AGBL4: variants seen among roughly 807,000 people sequenced by gnomAD.
The protein encoded by AGBL4 is cytosolic carboxypeptidase 6.
Under a neutral mutation model 66.4 loss-of-function variants are expected in AGBL4, and 58 were observed. That is an observed-to-expected ratio of 0.87 (90% CI 0.71 to 1.09). AGBL4 has a LOEUF of 1.09. Among genes scored for constraint, AGBL4 ranks in the 50% least tolerant of loss-of-function variants. The probability of loss-of-function intolerance (pLI) is 0.00; values close to 1 mark genes in which losing one functional copy is unlikely to be tolerated. For synonymous variants in AGBL4, 234 were observed against 222.9 expected, an observed-to-expected ratio of 1.05 and a Z score of -0.44; for missense variants, 579 against 631.0, an observed-to-expected ratio of 0.92 and a Z score of 0.88.
At chr1:49,671,555 G>C (rs925600838) in intron 3 of AGBL4, among the ~76,000 whole-genome samples, 16 of 152,256 alleles carry the variant, frequency 1.1e-4, no homozygotes, top group Admixed American at 3.3e-4. Flanking sequence ...ACAACCTACA[G>C]AATGGGAGTA....
chr1:48,529,178 C>T (rs1643894074), downstream of AGBL4, among the ~76,000 whole-genome samples: 1 of 152,050 alleles, frequency 6.6e-6, no homozygotes, highest in Non-Finnish European at 1.5e-5. Context: ...ACTGATCCCT[C>T]AGTGTGACTG....
intron 1 of AGBL4, among the ~76,000 whole-genome samples, chr1:49,934,778 G>T (rs1285869579): frequency 6.7e-6 from 1 of 149,118 alleles, no homozygotes; most frequent in Non-Finnish European, 1.5e-5. Flanking sequence ...CCCAAAGCTG[G>T]TAGAAGAAAG....
intron 3 of AGBL4, among the ~76,000 whole-genome samples, chr1:49,516,748 G>T (rs1246768013): frequency 3.3e-5 from 5 of 152,036 alleles, no homozygotes; most frequent in African/African-American, 1.2e-4. Flanking sequence ...CACCATTAGA[G>T]ATGTTTCAAA....
chr1:49,401,528 C>T (rs560502930), intron 3 of AGBL4, among the ~76,000 whole-genome samples: 10 of 152,188 alleles, frequency 6.6e-5, no homozygotes, highest in South Asian at 4.1e-4. Flanking sequence ...TTGTTCATGA[C>T]GAATGAACAA....
chr1:48,960,970 C>T (rs957013979), intron 5 of AGBL4, among the ~76,000 whole-genome samples: 1 of 152,208 alleles, frequency 6.6e-6, no homozygotes, highest in Admixed American at 6.5e-5. Context: ...AAGGCCTCAC[C>T]TAGCACACTC....
intron 9 of AGBL4, among the ~76,000 whole-genome samples, chr1:48,632,099 G>A (rs902351175): frequency 6.6e-6 from 1 of 152,156 alleles, no homozygotes; most frequent in African/African-American, 2.4e-5. Context: ...TGGAGTAAAA[G>A]ATTGAGTGAG....
intron 4 of AGBL4, among the ~76,000 whole-genome samples, chr1:49,127,944 A>G (rs1291867307): frequency 6.6e-6 from 1 of 152,140 alleles, no homozygotes; most frequent in Non-Finnish European, 1.5e-5. Context: ...ATCAAAAATT[A>G]AAGATATCAA....
the AGBL4 span, among the ~76,000 whole-genome samples, chr1:48,522,771 C>A: frequency 6.6e-6 from 1 of 151,908 alleles, no homozygotes; most frequent in Non-Finnish European, 1.5e-5. Flanking sequence ...CACTACCATA[C>A]AAAAATTAGC....
intron 3 of AGBL4, among the ~76,000 whole-genome samples, chr1:49,619,541 T>A (rs747197610): frequency 1.3e-5 from 2 of 152,164 alleles, no homozygotes; most frequent in Non-Finnish European, 2.9e-5. Flanking sequence ...ATGGCCATAG[T>A]GCCCAAAGTA....
At chr1:48,698,856 C>A (rs956853027) in intron 6 of AGBL4, among the ~76,000 whole-genome samples, 2 of 152,134 alleles carry the variant, frequency 1.3e-5, no homozygotes, top group Admixed American at 6.5e-5. Flanking sequence ...AATAACTGGT[C>A]ACAGAGCAAA....
chr1:49,349,842 T>C (rs1240043368), intron 3 of AGBL4, among the ~76,000 whole-genome samples: 3 of 152,154 alleles, frequency 2.0e-5, no homozygotes, highest in Non-Finnish European at 4.4e-5. Context: ...ATATGACTGG[T>C]GTTCTTATAA....
At chr1:49,804,557 T>C (rs1021781835) in intron 2 of AGBL4, among the ~76,000 whole-genome samples, 1 of 152,214 alleles carries the variant, frequency 6.6e-6, no homozygotes. Flanking sequence ...GGAAAAATCA[T>C]GTATTGAATT....
intron 4 of AGBL4, among the ~76,000 whole-genome samples, chr1:49,113,881 T>G (rs1023504415): frequency 3.9e-5 from 6 of 152,212 alleles, no homozygotes; most frequent in Admixed American, 3.9e-4. Context: ...GCTTAAAATA[T>G]TTAGCAAACC....
chr1:49,116,097 T>C (rs960472845), intron 4 of AGBL4, among the ~76,000 whole-genome samples: 3 of 152,222 alleles, frequency 2.0e-5, no homozygotes, highest in African/African-American at 7.2e-5. Context: ...GAGATATCTA[T>C]GATTTTTTAA....
At chr1:49,141,642 G>A (rs1646120015) in intron 4 of AGBL4, among the ~76,000 whole-genome samples, 2 of 152,128 alleles carry the variant, frequency 1.3e-5, no homozygotes, top group South Asian at 2.1e-4. Context: ...TAGAGTTTAT[G>A]AGAAATAAGA....
At chr1:49,485,636 T>TA (rs201028308) in intron 3 of AGBL4, among the ~76,000 whole-genome samples, 63 of 142,952 alleles carry the variant, frequency 4.4e-4, no homozygotes, top group Admixed American at 7.0e-4. Context: ...CAGGTGAAAT[T>TA]AAAAAAAAAA....
At chr1:48,619,433 T>C (rs533055004) in intron 9 of AGBL4, among the ~76,000 whole-genome samples, 7 of 152,122 alleles carry the variant, frequency 4.6e-5, no homozygotes, top group Non-Finnish European at 8.8e-5. Context: ...GGGATAATAA[T>C]GCTCATTTCT....
At chr1:50,009,223 C>A (rs1405247134) in intron 1 of AGBL4, among the ~76,000 whole-genome samples, 1 of 151,992 alleles carries the variant, frequency 6.6e-6, no homozygotes, top group Non-Finnish European at 1.5e-5. Context: ...ACACTACAGG[C>A]CAATATCCCT....
intron 3 of AGBL4, among the ~76,000 whole-genome samples, chr1:49,326,469 G>A (rs1446796070): frequency 6.6e-6 from 1 of 152,154 alleles, no homozygotes; most frequent in Admixed American, 6.5e-5. Context: ...ACATTTTGGG[G>A]AATCAGCCAT....
Sources: gnomAD v4.1 joint callset for allele counts (sites outside exome capture counted in the v4.1 genomes callset) on GRCh38, gnomAD v4.1.1 for gene constraint, MANE v1.5 for transcripts, NCBI Gene and HGNC (gene_info 2026-07-23, HGNC 2026-07-21) for gene names.